Variants in NCOR2 observed in about 807,000 individuals in gnomAD.
NCOR2 encodes the protein nuclear receptor corepressor 2, also known as CTG repeat protein 26.
Under a neutral mutation model 262.9 loss-of-function variants are expected in NCOR2, and 81 were observed. The observed-to-expected ratio is 0.31, with a 90% CI of 0.26 to 0.37. The LOEUF is 0.37. Ranked by LOEUF, NCOR2 falls within the 10% of genes least tolerant of loss-of-function variation. The pLI is 1.00. For missense variants in NCOR2, 3,385 were observed against 3,621.4 expected, an observed-to-expected ratio of 0.93 and a Z score of 1.68; for synonymous variants, 1,659 against 1,559.3, an observed-to-expected ratio of 1.06 and a Z score of -1.51.
intron 1 of NCOR2, among the ~76,000 whole-genome samples, chr12:124,535,090 G>C (rs1275485405): frequency 1.3e-5 from 2 of 152,220 alleles, no homozygotes; most frequent in African/African-American, 4.8e-5. Context: ...CCAGGACCCA[G>C]GCCACCTCTT....
chr12:124,399,602 G>C (rs1363258992), intron 15 of NCOR2, among the ~76,000 whole-genome samples: 1 of 152,182 alleles, frequency 6.6e-6, no homozygotes, highest in African/African-American at 2.4e-5. Context: ...TTATGAAATA[G>C]GTCCAAACTA....
Position 124,327,588 on chromosome 12 carries a change from G to C in NCOR2, c.7004C>G (p.Thr2335Ser). 6.2e-7 allele frequency: 1 copy of C among 1,613,274 alleles called. No individual in the cohort carries two copies. Among genetic ancestry groups the C allele is most frequent in the Non-Finnish European group, 8.5e-7 (1 of 1,179,990 alleles). Reference sequence around the variant, plus strand: ...AATTATGGCCTCCAGCCCCATGTTGGTGCTGGCATGTTCCTGCACCGCCTG... The same window carrying C: ...AATTATGGCCTCCAGCCCCATGTTGCTGCTGGCATGTTCCTGCACCGCCTG... Residue 2335 changes from threonine (T) to serine (S), a missense_variant, in exon 45 of 47, where the codon ACC becomes AGC. Physicochemically the swap from Thr to Ser is moderately conservative, Grantham distance 58. Transcript: ENST00000405201.
At chr12:124,368,307 G>A (rs2136001842) in intron 20 of NCOR2, among the ~76,000 whole-genome samples, 1 of 152,320 alleles carries the variant, frequency 6.6e-6, no homozygotes, top group South Asian at 2.1e-4. Context: ...TAAGGGCCTG[G>A]GGACATTCAT....
At chr12:124,354,145 C>G in exon 27 of NCOR2, 1 of 1,610,148 alleles carries the variant, frequency 6.2e-7, no homozygotes, top group Non-Finnish European at 8.5e-7. Context: ...CACCCGTGTG[C>G]TGGGAATGCC....
intron 42 of NCOR2, 44 bp downstream of exon 44, chr12:124,333,086 A>G (rs2035359798): frequency 6.4e-7 from 1 of 1,554,054 alleles, no homozygotes; most frequent in Non-Finnish European, 8.7e-7. Context: ...TGGGCAAGGG[A>G]TACCAGAGCA....
chr12:124,368,100 C>T (rs2039187352), intron 20 of NCOR2, among the ~76,000 whole-genome samples: 1 of 152,228 alleles, frequency 6.6e-6, no homozygotes. Flanking sequence ...CCTCTCTGAC[C>T]ATGTGACTTA....
At chr12:124,501,077 C>T (rs1371446112) in intron 1 of NCOR2, among the ~76,000 whole-genome samples, 1 of 133,264 alleles carries the variant, frequency 7.5e-6, no homozygotes, top group African/African-American at 2.6e-5. Flanking sequence ...CACACACACA[C>T]ACACACACAC....
chr12:124,429,253 T>A, intron 10 of NCOR2: 1 of 266,936 alleles, frequency 3.7e-6, no homozygotes, highest in Non-Finnish European at 7.3e-6. Context: ...CCCTTGGGCT[T>A]CTGGCTGGAC....
intron 7 of NCOR2, among the ~76,000 whole-genome samples, chr12:124,439,737 C>CAGAG (rs138274603): frequency 1.4e-5 from 2 of 146,370 alleles, no homozygotes; most frequent in African/African-American, 5.0e-5. Flanking sequence ...AAGAGAGGAT[C>CAGAG]AGAGAGAGAG....
At chr12:124,380,542 G>A (rs1296400792) in intron 17 of NCOR2, among the ~76,000 whole-genome samples, 1 of 152,210 alleles carries the variant, frequency 6.6e-6, no homozygotes, top group Non-Finnish European at 1.5e-5. Flanking sequence ...AGGAGAGTTC[G>A]AGCCTGTGGC....
At chr12:124,413,189 C>T (rs780634593) in intron 13 of NCOR2, among the ~76,000 whole-genome samples, 1 of 152,164 alleles carries the variant, frequency 6.6e-6, no homozygotes, top group African/African-American at 2.4e-5. Flanking sequence ...TCAGGAAACC[C>T]ACAGGAGGCA....
intron 7 of NCOR2, among the ~76,000 whole-genome samples, chr12:124,439,343 A>T (rs2044665567): frequency 4.4e-5 from 3 of 67,924 alleles, no homozygotes; most frequent in Non-Finnish European, 6.1e-5. Context: ...ACAGAGACCC[A>T]GAGAGAGAGG....
At chr12:124,507,072 T>C (rs781704922) in intron 1 of NCOR2, among the ~76,000 whole-genome samples, 3 of 152,068 alleles carry the variant, frequency 2.0e-5, no homozygotes, top group Non-Finnish European at 2.9e-5. Flanking sequence ...CTCCTGACAT[T>C]ATGCTGAGTG....
chr12:124,468,998 C>A (rs2046692264), intron 4 of NCOR2, among the ~76,000 whole-genome samples: 1 of 141,586 alleles, frequency 7.1e-6, no homozygotes, highest in Non-Finnish European at 1.5e-5. Context: ...CCTCATCACC[C>A]CCATCATCCT....
In NCOR2 at chr12:124,548,805, C is replaced by CA. The variant is rs1167795525; in HGVS notation, c.-164-13195dup. On this transcript the variant is annotated intron_variant, in intron 1 of 32. Transcript: ENST00000458234. The surrounding 1 kb of genome is among the most constrained non-coding windows in gnomAD (Gnocchi z 5.1). ...ACAGTTTTCAAATGACCTGGCCATT[C>CA]AAAAAAACCTGCCAGAACCAGTCCA... Among the ~76,000 whole-genome samples, 1 of 151,952 alleles carries CA rather than the reference C, an allele frequency of 6.6e-6. No individual in the cohort carries two copies. Among genetic ancestry groups the CA allele is most frequent in the African/African-American group, 2.4e-5 (1 of 41,362 alleles).
intron 1 of NCOR2, among the ~76,000 whole-genome samples, chr12:124,534,803 T>C (rs1412705665): frequency 2.0e-5 from 3 of 152,198 alleles, no homozygotes; most frequent in Non-Finnish European, 4.4e-5. Context: ...TGTGCCTCAG[T>C]TTCCCCACTT....
intron 6 of NCOR2, among the ~76,000 whole-genome samples, chr12:124,455,852 T>C (rs1302985575): frequency 1.3e-5 from 2 of 152,184 alleles, no homozygotes; most frequent in Admixed American, 6.5e-5. Context: ...TGAGTTTAGA[T>C]TGAGGCTCTG....
chr12:124,483,856 G>A lies in NCOR2; in HGVS notation c.234-83C>T, dbSNP rs567840516. The A allele has an allele frequency of 4.3e-4, 602 of 1,401,268 alleles. 3 individuals are homozygous for A. The highest frequency in any genetic ancestry group is 1.1e-4 in the Non-Finnish European group (115 of 1,061,678). The allele number at this position is 1,401,268 out of a possible 1,614,324, so 86.8% of individuals were successfully genotyped here. ...AGGCCCCGACCACCCTCTGCGCCGA[G>A]CATCTACTGCGCGCCGTGCTCTGTA... On this transcript the variant is annotated intron_variant, in intron 2 of 46. Coordinates refer to ENST00000405201, the Ensembl canonical transcript of NCOR2. This position sits in a 1 kb window ranked among gnomAD's most constrained non-coding sequence, Gnocchi z 6.3.
intron 1 of NCOR2, among the ~76,000 whole-genome samples, chr12:124,563,161 C>A (rs1183414162): frequency 6.6e-6 from 1 of 152,204 alleles, no homozygotes; most frequent in Non-Finnish European, 1.5e-5. Context: ...GGGGCACTCA[C>A]CTGGGCCCAC....
Sources: gnomAD v4.1 joint callset for allele counts (sites outside exome capture counted in the v4.1 genomes callset) on GRCh38, gnomAD v4.1.1 for gene constraint, Gnocchi (gnomAD v3.1) non-coding constraint, MANE v1.5 for transcripts, NCBI Gene and HGNC (gene_info 2026-07-23, HGNC 2026-07-21) for gene names.